KCNIP4: variants seen among roughly 807,000 people sequenced by gnomAD.
KCNIP4 encodes Kv channel-interacting protein 4.
KCNIP4 carries 12 observed loss-of-function variants against 34.0 expected under a neutral mutation model. That is an observed-to-expected ratio of 0.35 (90% CI 0.23 to 0.57). The LOEUF (loss-of-function observed/expected upper bound fraction) is 0.57, where lower values mean the gene tolerates loss of function less well. Among genes scored for constraint, KCNIP4 ranks in the 20% least tolerant of loss-of-function variants. The pLI is 0.83. For missense variants in KCNIP4, 238 were observed against 311.7 expected (o/e 0.76, Z 1.78); for synonymous variants, 124 against 102.2 (o/e 1.21, Z -1.29).
At chr4:21,291,616 G>A (rs1342012284) in intron 1 of KCNIP4, among the ~76,000 whole-genome samples, 1 of 151,796 alleles carries the variant, frequency 6.6e-6, no homozygotes, top group African/African-American at 2.4e-5. Flanking sequence ...TTGGGAGGCC[G>A]AGGCGGGTGG....
intron 5 of KCNIP4, among the ~76,000 whole-genome samples, chr4:20,744,388 A>G (rs1038252201): frequency 6.6e-6 from 1 of 152,240 alleles, no homozygotes; most frequent in African/African-American, 2.4e-5. Context: ...GACTGGATTA[A>G]GAAAATGTGG....
chr4:20,836,005 T>G (rs1240947048), intron 3 of KCNIP4, among the ~76,000 whole-genome samples: 2 of 152,368 alleles, frequency 1.3e-5, no homozygotes, highest in African/African-American at 4.8e-5. Flanking sequence ...TTGGCTAGTT[T>G]ACTGCAATAT....
chr4:21,912,241 G>A (rs1728373138), intron 1 of KCNIP4, among the ~76,000 whole-genome samples: 1 of 152,078 alleles, frequency 6.6e-6, no homozygotes, highest in African/African-American at 2.4e-5. Flanking sequence ...GATGACTATG[G>A]TATTGTCCCT....
At chr4:21,132,282 A>G (rs182296159) in intron 1 of KCNIP4, among the ~76,000 whole-genome samples, 1 of 152,276 alleles carries the variant, frequency 6.6e-6, no homozygotes, top group Non-Finnish European at 1.5e-5. Flanking sequence ...TGTCCCTTTG[A>G]CAGAATCAGA....
intron 1 of KCNIP4, among the ~76,000 whole-genome samples, chr4:21,329,840 G>A (rs2109320915): frequency 6.6e-6 from 1 of 152,258 alleles, no homozygotes; most frequent in East Asian, 1.9e-4. Context: ...CCTAATTACT[G>A]TTATTCAATG....
intron 1 of KCNIP4, among the ~76,000 whole-genome samples, chr4:21,167,809 G>A (rs1450370384): frequency 6.6e-6 from 1 of 152,166 alleles, no homozygotes; most frequent in African/African-American, 2.4e-5. Flanking sequence ...GATTAACAAT[G>A]AGAGCAAGGT....
At chr4:21,849,664 T>A (rs1724247323) in intron 1 of KCNIP4, 1 of 152,094 alleles carries the variant, frequency 6.6e-6, no homozygotes, top group Non-Finnish European at 1.5e-5. Context: ...TGAATTTATA[T>A]CCAATTTAGA....
At chr4:21,786,912 G>A (rs146781326) in intron 1 of KCNIP4, among the ~76,000 whole-genome samples, 2 of 151,988 alleles carry the variant, frequency 1.3e-5, no homozygotes, top group African/African-American at 4.8e-5. Flanking sequence ...ATATGATCGA[G>A]AATAAAGGTT....
Position 21,204,682 on chromosome 4 carries a change from A to G in KCNIP4, c.62-321973T>C, listed in dbSNP as rs575373064. 1.2e-3 allele frequency among the ~76,000 whole-genome samples: 186 copies of G among 152,338 alleles called. 1 individual carries two copies. Among genetic ancestry groups the G allele is most frequent in the Middle Eastern group, 3.4e-3 (1 of 294 alleles). ...TGATCTCTTTAGATTTCAAGGTTTT[A>G]AATATGATAAAGTATACATAAGCAG... On this transcript the variant is annotated intron_variant, in intron 1 of 8. Transcript: ENST00000382152.
intron 1 of KCNIP4, among the ~76,000 whole-genome samples, chr4:20,985,953 C>T (rs1376951380): frequency 1.3e-5 from 2 of 152,156 alleles, no homozygotes; most frequent in Non-Finnish European, 2.9e-5. Flanking sequence ...GAAGAATACA[C>T]TCCGTCTCTG....
chr4:21,586,892 C>A (rs1034500011), intron 1 of KCNIP4, among the ~76,000 whole-genome samples: 1 of 152,060 alleles, frequency 6.6e-6, no homozygotes, highest in Admixed American at 6.6e-5. Context: ...TATCAAGTCT[C>A]AGCCTTATCA....
intron 1 of KCNIP4, chr4:21,730,150 C>T (rs914957027): frequency 3.9e-5 from 6 of 151,972 alleles, no homozygotes; most frequent in African/African-American, 1.2e-4. Flanking sequence ...TATTGCAACA[C>T]GGATATATTA....
intron 1 of KCNIP4, among the ~76,000 whole-genome samples, chr4:21,772,295 T>G (rs897865892): frequency 1.3e-5 from 2 of 152,050 alleles, no homozygotes; most frequent in Admixed American, 1.3e-4. Context: ...GGTGGATAAG[T>G]TTTTTGACGT....
At chr4:21,053,504 G>A (rs1743116730) in intron 1 of KCNIP4, among the ~76,000 whole-genome samples, 1 of 152,164 alleles carries the variant, frequency 6.6e-6, no homozygotes, top group South Asian at 2.1e-4. Flanking sequence ...TGTGCTAGAA[G>A]TGCTAGCTAA....
At chr4:21,369,484 C>A (rs572799901) in intron 1 of KCNIP4, among the ~76,000 whole-genome samples, 67 of 147,042 alleles carry the variant, frequency 4.6e-4, no homozygotes, top group South Asian at 2.5e-3. Flanking sequence ...GTAATCCCAG[C>A]ATTCTGGGGG....
chr4:21,213,154 A>G (rs1057033196), intron 1 of KCNIP4, among the ~76,000 whole-genome samples: 2 of 152,150 alleles, frequency 1.3e-5, no homozygotes, highest in African/African-American at 4.8e-5. Context: ...CATGGGAGAT[A>G]TCATCGTATA....
intron 1 of KCNIP4, among the ~76,000 whole-genome samples, chr4:21,227,898 A>G (rs989964265): frequency 1.3e-5 from 2 of 152,170 alleles, no homozygotes; most frequent in African/African-American, 2.4e-5. Context: ...AGTTTTATAG[A>G]ACAGAGCTTC....
chr4:21,255,647 G>GAAAA (rs113073511), intron 1 of KCNIP4, among the ~76,000 whole-genome samples: 2 of 139,794 alleles, frequency 1.4e-5, no homozygotes, highest in African/African-American at 2.5e-5. Flanking sequence ...CTTTAAAATA[G>GAAAA]AAAAAAAAAA....
At chr4:21,526,151 T>G (rs533770219) in intron 1 of KCNIP4, among the ~76,000 whole-genome samples, 1 of 152,276 alleles carries the variant, frequency 6.6e-6, no homozygotes, top group Non-Finnish European at 1.5e-5. Flanking sequence ...CCCACCCAAA[T>G]CACAGCTTGA....
Sources: gnomAD v4.1 joint callset for allele counts (sites outside exome capture counted in the v4.1 genomes callset) on GRCh38, gnomAD v4.1.1 for gene constraint, MANE v1.5 for transcripts, NCBI Gene and HGNC (gene_info 2026-07-23, HGNC 2026-07-21) for gene names.